SLC25A21: variants seen among roughly 807,000 people sequenced by gnomAD.
SLC25A21 encodes mitochondrial 2-oxodicarboxylate carrier.
A neutral mutation model predicts 43.8 loss-of-function variants in SLC25A21; 47 were observed. The ratio of observed to expected loss-of-function variants is 1.07; its 90% CI spans 0.85 to 1.37. SLC25A21 has a LOEUF of 1.37. Among genes scored for constraint, SLC25A21 ranks in the 40% most tolerant of loss-of-function variants. SLC25A21 has a pLI of 0.00. For synonymous variants in SLC25A21, 131 were observed against 121.3 expected (o/e 1.08, Z -0.52); for missense variants, 352 against 350.2 (o/e 1.00, Z -0.04).
chr14:36,851,348 C>T (rs1411463199), intron 2 of SLC25A21, among the ~76,000 whole-genome samples: 1 of 152,102 alleles, frequency 6.6e-6, no homozygotes, highest in Non-Finnish European at 1.5e-5. Flanking sequence ...GAAAATTGAT[C>T]AGAATTCCTT....
rs149563083 is a variant in SLC25A21 at position 36,902,033 on chromosome 14, A to G, written c.71-27029T>C. On this transcript the variant is annotated intron_variant, in intron 1 of 9. Coordinates refer to ENST00000331299, the MANE Select transcript of SLC25A21 (RefSeq NM_030631.4). ...CTTTTAAGGGGATATACTTTTGAGT[A>G]TTGGAGTTTTCCACATAAAAATATG... Among the ~76,000 whole-genome samples the G allele has an allele frequency of 1.7e-3, 260 of 152,328 alleles. 1 individual carries two copies. The highest frequency in any genetic ancestry group is 3.6e-3 in the Admixed American group (55 of 15,286).
chr14:36,980,576 C>T (rs1464682381), intron 1 of SLC25A21, among the ~76,000 whole-genome samples: 2 of 152,174 alleles, frequency 1.3e-5, no homozygotes, highest in Non-Finnish European at 1.5e-5. Flanking sequence ...AGTTCTCATG[C>T]CATGGTTATC....
intron 1 of SLC25A21, among the ~76,000 whole-genome samples, chr14:36,907,369 T>C (rs1305111608): frequency 6.6e-6 from 1 of 152,148 alleles, no homozygotes; most frequent in East Asian, 1.9e-4. Context: ...TGGTTGGTTT[T>C]GTTTAATTGA....
intron 1 of SLC25A21, among the ~76,000 whole-genome samples, chr14:36,914,570 T>C: frequency 6.6e-6 from 1 of 152,200 alleles, no homozygotes; most frequent in Non-Finnish European, 1.5e-5. Context: ...CTGTGTTTTG[T>C]TTATTTTTTC....
intron 1 of SLC25A21, among the ~76,000 whole-genome samples, chr14:37,157,270 A>G (rs1963867625): frequency 6.6e-6 from 1 of 152,144 alleles, no homozygotes; most frequent in Admixed American, 6.5e-5. Flanking sequence ...CTGAGGCACG[A>G]GAATTGCTTG....
At chr14:36,943,486 C>A (rs1594709375) in intron 1 of SLC25A21, among the ~76,000 whole-genome samples, 1 of 152,160 alleles carries the variant, frequency 6.6e-6, no homozygotes, top group African/African-American at 2.4e-5. Context: ...AGTCACCGCA[C>A]CTGGCCCTAG....
chr14:36,720,743 G>A (rs963608867), intron 6 of SLC25A21, among the ~76,000 whole-genome samples: 5 of 152,216 alleles, frequency 3.3e-5, no homozygotes, highest in African/African-American at 1.2e-4. Context: ...TCCCAAAGTG[G>A]CCTCAAATGT....
intron 1 of SLC25A21, among the ~76,000 whole-genome samples, chr14:37,054,666 T>C: frequency 6.6e-6 from 1 of 152,106 alleles, no homozygotes; most frequent in East Asian, 1.9e-4. Context: ...AAAAAAGGTG[T>C]TGAGAAGTTT....
chr14:36,955,250 C>G (rs1959304287), intron 1 of SLC25A21, among the ~76,000 whole-genome samples: 1 of 152,172 alleles, frequency 6.6e-6, no homozygotes, highest in African/African-American at 2.4e-5. Context: ...GAAGAATGCA[C>G]TCCATTGCTC....
chr14:37,039,442 G>C (rs1961397999), intron 1 of SLC25A21, among the ~76,000 whole-genome samples: 1 of 151,964 alleles, frequency 6.6e-6, no homozygotes, highest in Admixed American at 6.6e-5. Context: ...TTCTCCCTAG[G>C]CAACCACTGA....
intron 1 of SLC25A21, among the ~76,000 whole-genome samples, chr14:36,979,661 T>C (rs1959973166): frequency 6.6e-6 from 1 of 152,164 alleles, no homozygotes. Context: ...CAGCCAAAGG[T>C]AGTATTTTTT....
chr14:37,099,584 T>G, intron 1 of SLC25A21, among the ~76,000 whole-genome samples: 1 of 152,122 alleles, frequency 6.6e-6, no homozygotes, highest in Non-Finnish European at 1.5e-5. Context: ...CCTGCCAGGA[T>G]GTTCCCCCCG....
intron 1 of SLC25A21, among the ~76,000 whole-genome samples, chr14:37,058,043 G>A (rs749114886): frequency 1.9e-4 from 29 of 152,144 alleles, no homozygotes; most frequent in Non-Finnish European, 3.7e-4. Flanking sequence ...GTTATTGCCA[G>A]CACTTTCCCA....
intron 2 of SLC25A21, among the ~76,000 whole-genome samples, chr14:36,844,881 C>T (rs921181283): frequency 2.2e-4 from 34 of 152,268 alleles, no homozygotes; most frequent in African/African-American, 8.2e-4. Flanking sequence ...CAGAATCTCT[C>T]CTTTAGCTGG....
intron 1 of SLC25A21, among the ~76,000 whole-genome samples, chr14:36,976,103 C>A (rs765696989): frequency 5.3e-5 from 8 of 152,148 alleles, no homozygotes; most frequent in Non-Finnish European, 1.0e-4. Flanking sequence ...TGTTGACCTG[C>A]CATCCCTTGA....
At chr14:36,778,797 T>G (rs2138373077) in intron 3 of SLC25A21, among the ~76,000 whole-genome samples, 1 of 152,346 alleles carries the variant, frequency 6.6e-6, no homozygotes, top group African/African-American at 2.4e-5. Flanking sequence ...TAACATATTC[T>G]TCACCTCACA....
intron 2 of SLC25A21, among the ~76,000 whole-genome samples, chr14:36,825,684 A>C (rs569117309): frequency 6.9e-4 from 105 of 152,348 alleles, no homozygotes; most frequent in African/African-American, 2.3e-3. Flanking sequence ...TTACCTTTAG[A>C]AAATAACTCT....
intron 3 of SLC25A21, among the ~76,000 whole-genome samples, chr14:36,769,427 G>A (rs1483405795): frequency 2.0e-5 from 3 of 152,158 alleles, no homozygotes; most frequent in Admixed American, 1.3e-4. Flanking sequence ...CAGTTTTGAA[G>A]GTGGTTCAGA....
intron 1 of SLC25A21, among the ~76,000 whole-genome samples, chr14:37,152,386 A>AT (rs3061885): frequency 0.033 from 4,667 of 140,604 alleles, 301 homozygotes; most frequent in East Asian, 0.26. Context: ...TTTTATTTCA[A>AT]TTTTTTTTTT....
Sources: gnomAD v4.1 joint callset for allele counts (sites outside exome capture counted in the v4.1 genomes callset) on GRCh38, gnomAD v4.1.1 for gene constraint, MANE v1.5 for transcripts, NCBI Gene and HGNC (gene_info 2026-07-23, HGNC 2026-07-21) for gene names.